The following UST variants were observed in gnomAD, a reference collection of about 807,000 sequenced individuals.
The protein encoded by UST is uronyl 2-sulfotransferase, also known as chondroitin sulfate 2-O-sulfotransferase.
A neutral mutation model predicts 45.6 loss-of-function variants in UST; 21 were observed. The observed-to-expected ratio is 0.46, with a 90% CI of 0.33 to 0.66. UST has a LOEUF of 0.66. UST is among the 30% of genes least tolerant of loss of function. The probability of loss-of-function intolerance (pLI) is 0.02; values close to 1 mark genes in which losing one functional copy is unlikely to be tolerated. For synonymous variants in UST, 215 were observed against 200.6 expected, an observed-to-expected ratio of 1.07 and a Z score of -0.61; for missense variants, 463 against 512.4, an observed-to-expected ratio of 0.90 and a Z score of 0.93.
At chr6:148,968,928 T>C (rs1780860049) in intron 5 of UST, among the ~76,000 whole-genome samples, 1 of 152,244 alleles carries the variant, frequency 6.6e-6, no homozygotes, top group South Asian at 2.1e-4. Context: ...GGCTTGGCTG[T>C]AAAATGTGGA....
intron 2 of UST, among the ~76,000 whole-genome samples, chr6:148,929,390 C>T (rs147107985): frequency 8.1e-4 from 123 of 152,224 alleles, no homozygotes; most frequent in African/African-American, 2.8e-3. Flanking sequence ...TTTCTCAGGG[C>T]CTTCTAGGTA....
rs141528869 is a variant in UST, at chr6:148,888,989, G to A, written c.291+1960G>A. Reference sequence around the variant, plus strand: ...CTATTCATTAAATTTCACTGAATTAGACCATGGAATCCAGAGCTGGAATCT... The same window carrying A: ...CTATTCATTAAATTTCACTGAATTAAACCATGGAATCCAGAGCTGGAATCT... On this transcript the variant is annotated intron_variant, in intron 2 of 7. Transcript: ENST00000367463. Among the ~76,000 whole-genome samples, 44 of 152,306 alleles carry A rather than the reference G, an allele frequency of 2.9e-4. No homozygotes were observed. The East Asian group carries it at 7.9e-3, about 27-fold the overall frequency.
chr6:148,953,767 A>AT (rs1780418941), intron 3 of UST, 105 bp from the exon 4 acceptor site: 1 of 506,472 alleles, frequency 2.0e-6, no homozygotes, highest in African/African-American at 2.5e-5. Flanking sequence ...GCGAGACTCC[A>AT]TCTCAAAAAA....
intron 7 of UST, among the ~76,000 whole-genome samples, chr6:149,054,235 T>TA (rs1466403816): frequency 6.6e-6 from 1 of 152,216 alleles, no homozygotes; most frequent in East Asian, 1.9e-4. Flanking sequence ...TGCTTTCCCT[T>TA]CTAGCCAACC....
intron 1 of UST, among the ~76,000 whole-genome samples, chr6:148,805,562 A>G (rs1018555006): frequency 2.0e-5 from 3 of 152,240 alleles, no homozygotes; most frequent in Non-Finnish European, 2.9e-5. Flanking sequence ...GAAAATGACA[A>G]TAAAATGGTG....
At chr6:148,834,163 A>G (rs753635073) in intron 1 of UST, among the ~76,000 whole-genome samples, 18 of 152,260 alleles carry the variant, frequency 1.2e-4, no homozygotes, top group Non-Finnish European at 2.2e-4. Context: ...AAAGTCACAT[A>G]AAGTTATAAG....
At chr6:149,016,127 G>T (rs1393545610) in intron 5 of UST, among the ~76,000 whole-genome samples, 1 of 152,198 alleles carries the variant, frequency 6.6e-6, no homozygotes, top group Non-Finnish European at 1.5e-5. Flanking sequence ...CATCACCATA[G>T]ATGGGTTGTG....
chr6:148,812,057 AT>A (rs558130974), intron 1 of UST, among the ~76,000 whole-genome samples: 11 of 151,838 alleles, frequency 7.2e-5, no homozygotes, highest in South Asian at 4.2e-4. Context: ...GTATTTGCAG[AT>A]TTTTTTTTCT....
At chr6:148,785,800 A>G (rs1274100564) in intron 1 of UST, among the ~76,000 whole-genome samples, 1 of 152,194 alleles carries the variant, frequency 6.6e-6, no homozygotes. Flanking sequence ...ATACACTCTA[A>G]CTGATACCCC....
At chr6:148,912,297 C>G (rs1464751034) in intron 2 of UST, among the ~76,000 whole-genome samples, 3 of 152,192 alleles carry the variant, frequency 2.0e-5, no homozygotes, top group Admixed American at 2.0e-4. Context: ...GAAAAAATAC[C>G]TCAGTGAAAG....
intron 5 of UST, chr6:148,990,367 C>A: frequency 1.0e-6 from 1 of 984,254 alleles, no homozygotes; most frequent in Non-Finnish European, 1.2e-6. Flanking sequence ...TCTTTTAAAT[C>A]CAAATAGTTA....
chr6:148,980,978 G>A (rs1404186945), intron 5 of UST, among the ~76,000 whole-genome samples: 1 of 151,984 alleles, frequency 6.6e-6, no homozygotes, highest in Non-Finnish European at 1.5e-5. Flanking sequence ...TCCCACCTAG[G>A]CCTCCCAAAG....
At chr6:149,071,261 T>C (rs998328910) in intron 7 of UST, among the ~76,000 whole-genome samples, 5 of 152,230 alleles carry the variant, frequency 3.3e-5, no homozygotes, top group Non-Finnish European at 7.3e-5. Flanking sequence ...GAATTGCTAC[T>C]GAAGGCTTCA....
At chr6:149,001,230 C>A (rs1327565012) in intron 5 of UST, among the ~76,000 whole-genome samples, 1 of 152,078 alleles carries the variant, frequency 6.6e-6, no homozygotes, top group Non-Finnish European at 1.5e-5. Context: ...TACCACCACG[C>A]CTGGCTAATT....
chr6:148,773,496 G>A (rs1776472664), intron 1 of UST, among the ~76,000 whole-genome samples: 1 of 151,958 alleles, frequency 6.6e-6, no homozygotes, highest in Non-Finnish European at 1.5e-5. Context: ...TTCATGTTTG[G>A]AATTATATGA....
intron 5 of UST, among the ~76,000 whole-genome samples, chr6:148,998,149 G>T (rs1381205809): frequency 1.3e-5 from 2 of 152,164 alleles, no homozygotes; most frequent in African/African-American, 4.8e-5. Context: ...AAACTTGTGT[G>T]GCCCAAAGGG....
intron 5 of UST, among the ~76,000 whole-genome samples, chr6:148,997,573 C>T (rs112648150): frequency 0.29 from 43,632 of 151,862 alleles, 6,382 homozygotes; most frequent in African/African-American, 0.36. Context: ...GCAGGTACAT[C>T]TTAGGATATA....
At chr6:148,984,735 C>T (rs962711046) in intron 5 of UST, among the ~76,000 whole-genome samples, 1 of 152,166 alleles carries the variant, frequency 6.6e-6, no homozygotes, top group Non-Finnish European at 1.5e-5. Context: ...GTCCTGACTC[C>T]TGGCCTTGAG....
At chr6:148,962,183 T>G (rs1780673828) in intron 4 of UST, among the ~76,000 whole-genome samples, 1 of 152,270 alleles carries the variant, frequency 6.6e-6, no homozygotes, top group Non-Finnish European at 1.5e-5. Flanking sequence ...AACTTCCATT[T>G]TGGAAAATTA....
Sources: gnomAD v4.1 joint callset for allele counts (sites outside exome capture counted in the v4.1 genomes callset) on GRCh38, gnomAD v4.1.1 for gene constraint, MANE v1.5 for transcripts, NCBI Gene and HGNC (gene_info 2026-07-23, HGNC 2026-07-21) for gene names.